The following ANK2 variants were observed in gnomAD, a reference collection of about 807,000 sequenced individuals.
ANK2 encodes the protein ankyrin-2.
In ANK2, 83 loss-of-function variants were observed where a neutral mutation model predicts 360.5. The ratio of observed to expected loss-of-function variants is 0.23; its 90% CI spans 0.19 to 0.28. The LOEUF is 0.28. Among genes scored for constraint, ANK2 ranks in the 10% least tolerant of loss-of-function variants. The pLI is 1.00. For synonymous variants in ANK2, 1,740 were observed against 1,759.5 expected, an observed-to-expected ratio of 0.99 and a Z score of 0.28; for missense variants, 4,201 against 4,795.7, an observed-to-expected ratio of 0.88 and a Z score of 3.66.
At chr4:113,122,783 C>G (rs914242293) in intron 1 of ANK2, among the ~76,000 whole-genome samples, 1 of 151,922 alleles carries the variant, frequency 6.6e-6, no homozygotes. Flanking sequence ...TTTTCTTTAT[C>G]ACTCCTCTGA....
intron 1 of ANK2, among the ~76,000 whole-genome samples, chr4:112,894,186 T>C (rs553852817): frequency 6.6e-4 from 101 of 152,222 alleles, no homozygotes; most frequent in African/African-American, 2.3e-3. Flanking sequence ...TCAAATTCTC[T>C]CATTTCTTGA....
At chr4:112,744,075 G>T in the ANK2 span, among the ~76,000 whole-genome samples, 1 of 151,842 alleles carries the variant, frequency 6.6e-6, no homozygotes, top group East Asian at 1.9e-4. Flanking sequence ...GCCCACCTCG[G>T]CCTCCCAAAG....
At chr4:112,783,938 C>T in the ANK2 span, among the ~76,000 whole-genome samples, 5 of 152,150 alleles carry the variant, frequency 3.3e-5, 1 homozygote, top group South Asian at 8.3e-4. Flanking sequence ...CGTGAGCCAC[C>T]GCGCCTGGCT....
chr4:112,922,739 C>A (rs1002929130), intron 2 of ANK2, among the ~76,000 whole-genome samples: 6 of 152,132 alleles, frequency 3.9e-5, no homozygotes, highest in Non-Finnish European at 7.4e-5. Flanking sequence ...GTAGACAATT[C>A]AATCTCAGTG....
At chr4:112,726,715 G>A in the ANK2 span, among the ~76,000 whole-genome samples, 3 of 151,932 alleles carry the variant, frequency 2.0e-5, no homozygotes, top group Non-Finnish European at 2.9e-5. Context: ...GCCGGGTGTA[G>A]TGGTGGGTGC....
At chr4:113,366,695 C>T (rs926566787) in intron 41 of ANK2, among the ~76,000 whole-genome samples, 6 of 152,120 alleles carry the variant, frequency 3.9e-5, no homozygotes, top group African/African-American at 1.4e-4. Context: ...GGTCACTGCT[C>T]AAATATCGCC....
At chr4:113,130,372 T>A (rs1035085780) in intron 1 of ANK2, among the ~76,000 whole-genome samples, 2 of 152,206 alleles carry the variant, frequency 1.3e-5, no homozygotes, top group African/African-American at 2.4e-5. Context: ...TTCACCTGTC[T>A]GTTTCAATTT....
upstream of ANK2, chr4:113,049,624 C>CCCACCA: frequency 6.7e-7 from 1 of 1,494,918 alleles, no homozygotes; most frequent in Non-Finnish European, 9.0e-7. Flanking sequence ...CCTTCCCCAC[C>CCCACCA]CCTCCTCCTC....
chr4:113,098,469 A>G (rs1035086066), intron 1 of ANK2, among the ~76,000 whole-genome samples: 2 of 152,042 alleles, frequency 1.3e-5, no homozygotes, highest in Non-Finnish European at 2.9e-5. Flanking sequence ...TGAAAAGTAC[A>G]ATCTACCAAA....
intron 41 of ANK2, among the ~76,000 whole-genome samples, chr4:113,366,255 G>A (rs560496996): frequency 6.6e-6 from 1 of 151,906 alleles, no homozygotes; most frequent in Non-Finnish European, 1.5e-5. Flanking sequence ...TTCACCTATT[G>A]TTTCCTCTTT....
intron 1 of ANK2, among the ~76,000 whole-genome samples, chr4:113,103,870 A>G (rs2093285287): frequency 6.6e-6 from 1 of 152,306 alleles, no homozygotes; most frequent in South Asian, 2.1e-4. Flanking sequence ...TTAAGCTTCA[A>G]TGTAGAATAA....
chr4:113,305,884 T>C (rs1563602361), intron 23 of ANK2, among the ~76,000 whole-genome samples: 1 of 152,214 alleles, frequency 6.6e-6, no homozygotes, highest in Non-Finnish European at 1.5e-5. Context: ...CTATGTTTAA[T>C]ACTAATAGCT....
At chr4:113,132,582 C>T (rs992446745) in intron 1 of ANK2, among the ~76,000 whole-genome samples, 9 of 152,112 alleles carry the variant, frequency 5.9e-5, no homozygotes, top group African/African-American at 4.8e-5. Flanking sequence ...CTCAGCCAGA[C>T]GGAGCCCATG....
chr4:113,045,588 T>C (rs1447805449), upstream of ANK2, among the ~76,000 whole-genome samples: 1 of 152,234 alleles, frequency 6.6e-6, no homozygotes, highest in African/African-American at 2.4e-5. Flanking sequence ...TTAGTATTTA[T>C]TGAGTATCTG....
chr4:113,198,963 C>A (rs373242537), intron 3 of ANK2, 48 bp from the exon 4 acceptor site: 11 of 1,510,270 alleles, frequency 7.3e-6, no homozygotes, highest in Non-Finnish European at 1.0e-5. Context: ...TTGATTTCTG[C>A]AAAATTCAGA....
chr4:112,756,475 A>T, the ANK2 span, among the ~76,000 whole-genome samples: 1 of 152,238 alleles, frequency 6.6e-6, no homozygotes, highest in Non-Finnish European at 1.5e-5. Context: ...TCAATTTATT[A>T]GTGGTGGGAT....
At chr4:112,911,744 G>GA (rs2087523905) in intron 2 of ANK2, among the ~76,000 whole-genome samples, 2 of 152,108 alleles carry the variant, frequency 1.3e-5, no homozygotes, top group Admixed American at 1.3e-4. Context: ...GATAAAAAAA[G>GA]AAAAAAGCTA....
chr4:113,330,109 A>G, intron 26 of ANK2, 137 bp from the exon 27 acceptor site: 1 of 805,120 alleles, frequency 1.2e-6, no homozygotes, highest in Non-Finnish European at 2.0e-6. Flanking sequence ...ACTTTTAAAA[A>G]CAAGCATTTT....
At chr4:113,181,765 G>A (rs918557487) in intron 2 of ANK2, among the ~76,000 whole-genome samples, 3 of 152,164 alleles carry the variant, frequency 2.0e-5, no homozygotes, top group Non-Finnish European at 4.4e-5. Flanking sequence ...GAGCATGCTG[G>A]CATGTTCAAG....
Sources: gnomAD v4.1 joint callset for allele counts (sites outside exome capture counted in the v4.1 genomes callset) on GRCh38, gnomAD v4.1.1 for gene constraint, MANE v1.5 for transcripts, NCBI Gene and HGNC (gene_info 2026-07-23, HGNC 2026-07-21) for gene names.